The following TANC2 variants were observed in gnomAD, a reference collection of about 807,000 sequenced individuals.
TANC2 encodes tetratricopeptide repeat, ankyrin repeat and coiled-coil containing 2.
A neutral mutation model predicts 210.5 loss-of-function variants in TANC2; 26 were observed. That is an observed-to-expected ratio of 0.12 (90% CI 0.09 to 0.17). The LOEUF (loss-of-function observed/expected upper bound fraction) is 0.17, where lower values mean the gene tolerates loss of function less well. Ranked by LOEUF, TANC2 falls within the 10% of genes least tolerant of loss-of-function variation. The probability of loss-of-function intolerance (pLI) is 1.00; values close to 1 mark genes in which losing one functional copy is unlikely to be tolerated. For synonymous variants in TANC2, 931 were observed against 967.1 expected (o/e 0.96, Z 0.69); for missense variants, 2,129 against 2,608.9 (o/e 0.82, Z 4.01).
intron 19 of TANC2, among the ~76,000 whole-genome samples, chr17:63,400,688 G>A (rs2048315957): frequency 6.6e-6 from 1 of 151,380 alleles, no homozygotes; most frequent in African/African-American, 2.4e-5. Context: ...CTGTCCCCCA[G>A]GCTAGAGTGC....
At chr17:63,419,110 C>T (rs3760257) in intron 27 of TANC2, among the ~76,000 whole-genome samples, 25,571 of 152,162 alleles carry the variant, frequency 0.17, 2,752 homozygotes, top group Non-Finnish European at 0.24. Context: ...GCCTCCTGCC[C>T]TCCTCCTCCC....
chr17:63,037,651 G>A (rs1158291652), intron 2 of TANC2, among the ~76,000 whole-genome samples: 2 of 151,616 alleles, frequency 1.3e-5, no homozygotes, highest in East Asian at 1.9e-4. Context: ...CTGTCTCTAC[G>A]AAAAATACAA....
intron 15 of TANC2, among the ~76,000 whole-genome samples, chr17:63,382,091 A>C (rs1386117121): frequency 6.6e-6 from 1 of 152,250 alleles, no homozygotes; most frequent in Non-Finnish European, 1.5e-5. Flanking sequence ...CGTACTTCAC[A>C]GGAACAAAGG....
chr17:63,061,645 T>C (rs1474418154), intron 2 of TANC2, among the ~76,000 whole-genome samples: 1 of 152,074 alleles, frequency 6.6e-6, no homozygotes. Context: ...ATATAAAACA[T>C]ACATATACAT....
intron 2 of TANC2, among the ~76,000 whole-genome samples, chr17:63,013,929 C>T (rs910404960): frequency 1.3e-5 from 2 of 151,854 alleles, no homozygotes; most frequent in Non-Finnish European, 2.9e-5. Flanking sequence ...TCTGGAACTC[C>T]AGTTATACAA....
At chr17:63,402,172 T>C (rs1219229304) in intron 19 of TANC2, among the ~76,000 whole-genome samples, 2 of 152,150 alleles carry the variant, frequency 1.3e-5, no homozygotes, top group African/African-American at 4.8e-5. Context: ...TTTCCCCTCA[T>C]TGCCTTTATT....
intron 14 of TANC2, among the ~76,000 whole-genome samples, chr17:63,365,802 G>A (rs2047093294): frequency 6.6e-6 from 1 of 151,880 alleles, no homozygotes; most frequent in Non-Finnish European, 1.5e-5. Context: ...CAGCTTAAAT[G>A]CCACCTCCTC....
At chr17:63,359,740 ATTGTGATGTGGGAGCCTAAGG>A (rs1428515304) in intron 14 of TANC2, among the ~76,000 whole-genome samples, 3 of 152,064 alleles carry the variant, frequency 2.0e-5, no homozygotes, top group Non-Finnish European at 2.9e-5. Flanking sequence ...ACCTAATGAG[ATTGTGATGTGGGAGCCTAAGG>A]TTGTGATGTG....
chr17:63,151,350 C>T lies in TANC2; in HGVS notation c.403C>T (p.Gln135Ter). ...TGGCTCACCAACCCTCACTTCAGCT[C>T]AGAAACTGGACGTGGATGCATACTG... is the stretch of plus-strand genomic sequence containing the variant. Residue 135 changes from glutamine to a stop codon, truncating the protein, a stop_gained, in exon 5 of 28, where the codon CAG (glutamine) becomes TAG (stop). Transcript: ENST00000689528. LOFTEE classifies it high-confidence loss of function. The T allele has an allele frequency of 1.0e-6, 1 of 985,834 alleles. No individual in the cohort carries two copies. Among genetic ancestry groups the T allele is most frequent in the Non-Finnish European group, 1.2e-6 (1 of 829,954 alleles). The allele number at this position is 985,834 out of a possible 1,614,324, so 61.1% of individuals were successfully genotyped here. A position where few individuals can be genotyped will look rare whatever the true frequency, so the allele number is the denominator to read the frequency against.
At chr17:63,083,622 G>A (rs769732591) in intron 3 of TANC2, among the ~76,000 whole-genome samples, 5 of 152,162 alleles carry the variant, frequency 3.3e-5, no homozygotes, top group Non-Finnish European at 7.3e-5. Context: ...AGTAAACTCA[G>A]TACCACTTCA....
chr17:63,122,598 A>G (rs1189091024), intron 4 of TANC2, among the ~76,000 whole-genome samples: 8 of 152,018 alleles, frequency 5.3e-5, no homozygotes, highest in African/African-American at 1.9e-4. Flanking sequence ...TTAGCCAGGC[A>G]TGGTGGTGCA....
chr17:63,084,009 G>A (rs2036870782), intron 3 of TANC2, among the ~76,000 whole-genome samples: 1 of 152,158 alleles, frequency 6.6e-6, no homozygotes, highest in African/African-American at 2.4e-5. Context: ...AATAAGTTAG[G>A]AAGTAGTCCT....
At chr17:63,411,746 T>C in intron 22 of TANC2, 60 bp downstream of exon 22, 1 of 1,546,206 alleles carries the variant, frequency 6.5e-7, no homozygotes, top group East Asian at 2.3e-5. Flanking sequence ...CCATCCATAC[T>C]ACCTGGGGTT....
chr17:63,262,933 T>G (rs556728820), intron 8 of TANC2, among the ~76,000 whole-genome samples: 1 of 152,298 alleles, frequency 6.6e-6, no homozygotes, highest in African/African-American at 2.4e-5. Flanking sequence ...TTTAATACTT[T>G]TGCTACTCTT....
chr17:63,303,987 A>G (rs1473843735), intron 9 of TANC2, among the ~76,000 whole-genome samples: 1 of 151,924 alleles, frequency 6.6e-6, no homozygotes, highest in Non-Finnish European at 1.5e-5. Flanking sequence ...AGCAGCTCCT[A>G]TAACCTTTAT....
chr17:63,394,389 A>G (rs1441198509), intron 17 of TANC2, among the ~76,000 whole-genome samples: 5 of 152,176 alleles, frequency 3.3e-5, no homozygotes, highest in Admixed American at 6.5e-5. Context: ...ACTTTCTGAC[A>G]CCACAAGATG....
At chr17:62,972,359 T>C (rs2031749253) in intron 1 of TANC2, among the ~76,000 whole-genome samples, 1 of 152,202 alleles carries the variant, frequency 6.6e-6, no homozygotes, top group Admixed American at 6.5e-5. Context: ...TATTATGCCT[T>C]TTCTTCCCCG....
intron 7 of TANC2, among the ~76,000 whole-genome samples, chr17:63,236,675 C>T (rs1053016035): frequency 2.0e-5 from 3 of 152,090 alleles, no homozygotes; most frequent in Admixed American, 6.6e-5. Flanking sequence ...TTCAGAGGCT[C>T]CATTGTCCGT....
chr17:63,087,157 G>A (rs534005248), intron 3 of TANC2, among the ~76,000 whole-genome samples: 3 of 152,292 alleles, frequency 2.0e-5, no homozygotes, highest in South Asian at 2.1e-4. Flanking sequence ...AACCAAATCC[G>A]GACACACTGT....
Sources: gnomAD v4.1 joint callset for allele counts (sites outside exome capture counted in the v4.1 genomes callset) on GRCh38, gnomAD v4.1.1 for gene constraint, MANE v1.5 for transcripts, NCBI Gene and HGNC (gene_info 2026-07-23, HGNC 2026-07-21) for gene names.